DENND1A: variants seen among roughly 807,000 people sequenced by gnomAD.
The protein encoded by DENND1A is DENN domain containing 1A, also known as DENN domain-containing protein 1A.
DENND1A carries 51 observed loss-of-function variants against 113.7 expected under a neutral mutation model. The ratio of observed to expected loss-of-function variants is 0.45; its 90% confidence interval spans 0.36 to 0.57. The LOEUF (loss-of-function observed/expected upper bound fraction) is 0.57. Ranked by LOEUF, DENND1A falls within the 20% of genes least tolerant of loss-of-function variation. The pLI is 0.00. For missense variants in DENND1A, 1,258 were observed against 1,395.9 expected (o/e 0.90, Z 1.57); for synonymous variants, 565 against 570.8 (o/e 0.99, Z 0.14).
chr9:123,614,192 G>A (rs2060538740), intron 10 of DENND1A, among the ~76,000 whole-genome samples: 1 of 152,198 alleles, frequency 6.6e-6, no homozygotes, highest in African/African-American at 2.4e-5. Flanking sequence ...CTGGTCAGTG[G>A]TGAAGCCGTA....
chr9:123,685,133 T>C (rs2064727715), intron 5 of DENND1A, among the ~76,000 whole-genome samples: 1 of 152,244 alleles, frequency 6.6e-6, no homozygotes, highest in Non-Finnish European at 1.5e-5. Context: ...CTTTTGAGGC[T>C]GAAACATATG....
intron 1 of DENND1A, among the ~76,000 whole-genome samples, chr9:123,889,739 G>A (rs1015879108): frequency 2.6e-5 from 4 of 152,158 alleles, no homozygotes; most frequent in Admixed American, 6.6e-5. Context: ...TTGGGAGGCC[G>A]AGGCAGGTAG....
At chr9:123,776,726 A>G (rs1018637125) in intron 3 of DENND1A, among the ~76,000 whole-genome samples, 1 of 152,242 alleles carries the variant, frequency 6.6e-6, no homozygotes, top group African/African-American at 2.4e-5. Context: ...CAGAACTGGC[A>G]TAAGAAAAAA....
chr9:123,892,510 C>G (rs1311427028), intron 1 of DENND1A, among the ~76,000 whole-genome samples: 2 of 152,124 alleles, frequency 1.3e-5, no homozygotes, highest in Non-Finnish European at 1.5e-5. Flanking sequence ...AAGAAGTGAG[C>G]CTATGACTGC....
At chr9:123,692,078 C>G (rs907759170) in intron 5 of DENND1A, among the ~76,000 whole-genome samples, 1 of 152,166 alleles carries the variant, frequency 6.6e-6, no homozygotes, top group African/African-American at 2.4e-5. Flanking sequence ...CAGGCTCCCC[C>G]AAGAGCTGTT....
chr9:123,798,659 T>C (rs1834129303), intron 2 of DENND1A: 1 of 108,072 alleles, frequency 9.3e-6, no homozygotes, highest in South Asian at 2.9e-4. Context: ...AATCCAAAAA[T>C]CAAACATAAG....
At chr9:123,700,747 G>C (rs1040663241) in intron 5 of DENND1A, among the ~76,000 whole-genome samples, 2 of 152,106 alleles carry the variant, frequency 1.3e-5, no homozygotes, top group African/African-American at 4.8e-5. Context: ...ACTAGTGTTT[G>C]ACCAAATAAT....
chr9:123,856,091 C>A (rs1844145508), intron 2 of DENND1A, among the ~76,000 whole-genome samples: 1 of 152,032 alleles, frequency 6.6e-6, no homozygotes, highest in South Asian at 2.1e-4. Flanking sequence ...ATAAGGAAGG[C>A]CAGAACTAAG....
chr9:123,920,252 G>T (rs1588259144), intron 1 of DENND1A, among the ~76,000 whole-genome samples: 1 of 152,236 alleles, frequency 6.6e-6, no homozygotes, highest in African/African-American at 2.4e-5. Flanking sequence ...CCAAACTGGA[G>T]AAATCCGTCT....
rs537404232 is a variant in DENND1A, at chr9:123,807,194, G to C, written c.89-14564C>G. Among the ~76,000 whole-genome samples the C allele has an allele frequency of 2.0e-5, 3 of 152,164 alleles. No homozygotes were observed. In the South Asian group the frequency reaches 6.2e-4, roughly 32 times the overall value. On this transcript the variant is annotated intron_variant, in intron 2 of 23. Transcript: ENST00000394215. ...ATATCTAGCCATGAGTGAGTTGTAG[G>C]ATTATTGGTGATTTTTTTTGGCCTT...
rs558944099 is a variant in DENND1A, at chr9:123,845,090, C to T, written c.88+33861G>A. 9.2e-5 allele frequency among the ~76,000 whole-genome samples: 14 copies of T among 151,922 alleles called. No homozygotes were observed. The South Asian group carries it at 1.2e-3, about 14-fold the overall frequency. On this transcript the variant is annotated intron_variant, in intron 2 of 23. Transcript: ENST00000394215. The stretch of plus-strand genomic sequence containing the variant: ...AAAAAATTAGCTGGGCATGCTGGCA[C>T]GCACCTGTAGTCCCAGCTACTCAGG...
At chr9:123,490,199 A>T (rs895972602) in intron 13 of DENND1A, among the ~76,000 whole-genome samples, 1 of 152,236 alleles carries the variant, frequency 6.6e-6, no homozygotes, top group African/African-American at 2.4e-5. Flanking sequence ...CCAGTGTAGG[A>T]TATAGTTCAA....
At chr9:123,533,942 T>C (rs940799796) in intron 13 of DENND1A, among the ~76,000 whole-genome samples, 1 of 152,222 alleles carries the variant, frequency 6.6e-6, no homozygotes, top group African/African-American at 2.4e-5. Context: ...TGTGTTACAC[T>C]AGAGGGGTCT....
chr9:123,674,340 T>TCACACACACACA (rs1160130484), intron 6 of DENND1A, among the ~76,000 whole-genome samples: 2 of 127,818 alleles, frequency 1.6e-5, no homozygotes, highest in East Asian at 4.5e-4. Context: ...TCTGTCTCTC[T>TCACACACACACA]CTCACACACA....
At chr9:123,429,060 C>A (rs1564471185) in intron 19 of DENND1A, among the ~76,000 whole-genome samples, 1 of 152,036 alleles carries the variant, frequency 6.6e-6, no homozygotes, top group Admixed American at 6.6e-5. Flanking sequence ...CATATAGAAC[C>A]AAAAAAGAGC....
chr9:123,733,182 T>C (rs939455952), intron 5 of DENND1A, among the ~76,000 whole-genome samples: 1 of 152,150 alleles, frequency 6.6e-6, no homozygotes. Flanking sequence ...GGTTTCTCCA[T>C]GTAGGTCAGG....
At chr9:123,838,661 C>G (rs147623427) in intron 2 of DENND1A, among the ~76,000 whole-genome samples, 2 of 152,168 alleles carry the variant, frequency 1.3e-5, no homozygotes, top group Non-Finnish European at 2.9e-5. Context: ...TCATTCAAGG[C>G]GGTACCTGGA....
At chr9:123,419,133 G>A (rs2045009752) in intron 19 of DENND1A, among the ~76,000 whole-genome samples, 1 of 152,258 alleles carries the variant, frequency 6.6e-6, no homozygotes, top group South Asian at 2.1e-4. Context: ...TAGTACAGAT[G>A]CTGGAGGCCA....
In DENND1A at chr9:123,671,390, C is replaced by A. The variant is rs757526164; in HGVS notation, c.373-19G>T. The A allele has an allele frequency of 6.2e-7, 1 of 1,613,070 alleles. No homozygotes were observed. The highest frequency in any genetic ancestry group is 1.3e-5 in the African/African-American group (1 of 74,886). ...GATTTTCCTGAAAGAAATAAAAGGC[C>A]TAAGTAACAAAAGCAAGGCTGAGCC... On this transcript the variant is annotated intron_variant, in intron 6 of 23. Transcript: ENST00000394215.
Sources: allele counts gnomAD v4.1 joint callset (sites outside exome capture counted in the v4.1 genomes callset), GRCh38; gene constraint gnomAD v4.1.1; transcripts MANE v1.5; gene names NCBI Gene and HGNC (gene_info 2026-07-23, HGNC 2026-07-21).